ADGRG2: variants seen among roughly 807,000 people sequenced by gnomAD.
ADGRG2 encodes the protein G protein-coupled receptor 64.
In ADGRG2, 26 loss-of-function variants were observed where a neutral mutation model predicts 74.1. The ratio of observed to expected loss-of-function variants is 0.35; its 90% confidence interval spans 0.26 to 0.49. The LOEUF (loss-of-function observed/expected upper bound fraction) is 0.49. ADGRG2 is among the 20% of genes least tolerant of loss of function. The pLI, the probability that ADGRG2 is intolerant of heterozygous loss-of-function variation, is 0.99. For synonymous variants in ADGRG2, 296 were observed against 295.2 expected (o/e 1.00, Z -0.03); for missense variants, 619 against 763.1 (o/e 0.81, Z 2.22).
intron 3 of ADGRG2, among the ~76,000 whole-genome samples, chrX:19,045,947 C>T (rs991078400): frequency 7.9e-4 from 89 of 112,198 alleles, no homozygotes; most frequent in African/African-American, 2.8e-3. Context: ...TGCAGTGGCA[C>T]AATCATAGCT....
Position 19,003,007 on chromosome X carries a change from A to C in ADGRG2, c.2069T>G (p.Met690Arg). 1 of 1,206,490 alleles carries C rather than the reference A, an allele frequency of 8.3e-7. No individual in the cohort carries two copies. The highest frequency in any genetic ancestry group is 1.1e-6 in the Non-Finnish European group (1 of 890,534). The change falls in exon 24 of 29, where the codon ATG becomes AGG. Residue 690 changes from methionine to arginine, a missense_variant. Physicochemically the swap from Met to Arg is moderately conservative, Grantham distance 91. Transcript: ENST00000379869. Reference sequence around the variant, plus strand: ...AGCCACTGAGATGCAGAGGCCTTGCATCTTATACAGAGCAATCCACGAGTC... The same window carrying C: ...AGCCACTGAGATGCAGAGGCCTTGCCTCTTATACAGAGCAATCCACGAGTC... ...LLDSWIALYK[M>R]QGLCISVAVF...
rs770946871 is a variant in ADGRG2, at chrX:19,013,704, C to T, written c.1081G>A (p.Ala361Thr). The stretch of plus-strand genomic sequence containing the variant: ...CATTTACCTGTCTGGACAGGAGGTG[C>T]GCTGGTAGTGTTGACATTCGCAGGG... ...SAPANVNTTSAPPVQTDIVNT... is the reference protein window; with the variant it reads ...SAPANVNTTSTPPVQTDIVNT... Residue 361 changes from alanine (A) to threonine (T), a missense_variant, in exon 16 of 29, where the codon GCA becomes ACA. By Grantham distance (58) the Ala-to-Thr change is moderately conservative (BLOSUM62 0). Around this residue, in one of 3 missense-constraint regions of ADGRG2, gnomAD observed 292 missense variants for 318.0 expected, o/e 0.92. Coordinates refer to ENST00000379869, the MANE Select transcript of ADGRG2 (RefSeq NM_001079858.3). The T allele has an allele frequency of 5.9e-6, 7 of 1,191,916 alleles. No homozygotes were observed. The highest frequency in any genetic ancestry group is 3.0e-5 in the East Asian group (1 of 33,636).
At chrX:19,015,540 G>A (rs758869692) in intron 15 of ADGRG2, among the ~76,000 whole-genome samples, 5 of 112,674 alleles carry the variant, frequency 4.4e-5, no homozygotes, top group Non-Finnish European at 7.5e-5. Flanking sequence ...CCAACATGGC[G>A]AAACCCTGTC....
chrX:19,002,702 G>A, intron 24 of ADGRG2, 144 bp downstream of exon 24: 1 of 535,544 alleles, frequency 1.9e-6, no homozygotes, highest in Non-Finnish European at 3.2e-6. Flanking sequence ...GTTGCTCTTC[G>A]GGCAGTGCAC....
In ADGRG2 at chrX:18,994,937, A is replaced by G; in HGVS notation, c.2828T>C (p.Leu943Pro). 1 of 1,201,704 alleles carries G rather than the reference A, an allele frequency of 8.3e-7. No homozygotes were observed. ...TACTGAGCAATCATTATTCACTAGC[A>G]GTGTGGTGGAGTTAGTGGAGTTACT... is the stretch of plus-strand genomic sequence containing the variant. ...SSSNSTNSTT[L>P]LVNNDCSVHA... Residue 943 changes from leucine (L) to proline (P), a missense_variant, in exon 28 of 29, where the codon CTG becomes CCG. Leu to Pro is a moderately conservative substitution (Grantham distance 98). Around this residue, in one of 3 missense-constraint regions of ADGRG2, gnomAD observed 106 missense variants for 104.5 expected, o/e 1.01. Coordinates refer to ENST00000379869, the MANE Select transcript of ADGRG2 (RefSeq NM_001079858.3).
chrX:19,037,666 T>C (rs756976102), intron 4 of ADGRG2, 30 bp from the exon 5 acceptor site: 184 of 985,537 alleles, frequency 1.9e-4, no homozygotes, highest in Non-Finnish European at 2.4e-4. Context: ...TAAATCAATA[T>C]TTTGAAACGA....
At chrX:19,011,474 G>A in intron 16 of ADGRG2, among the ~76,000 whole-genome samples, 1 of 112,253 alleles carries the variant, frequency 8.9e-6, no homozygotes, top group Non-Finnish European at 1.9e-5. Context: ...ATAAGCACAA[G>A]TATACTTGTA....
chrX:19,087,651 C>T (rs1381222898), intron 1 of ADGRG2, among the ~76,000 whole-genome samples: 1 of 112,079 alleles, frequency 8.9e-6, no homozygotes, highest in African/African-American at 3.2e-5. Flanking sequence ...ACAGAGCTTT[C>T]GGAATTGCTT....
In ADGRG2 at chrX:19,034,604, T is replaced by C. The variant is rs1246505825; in HGVS notation, c.263-950A>G. 3.6e-5 allele frequency: 4 copies of C among 112,321 alleles called. No individual in the cohort carries two copies. The East Asian group carries it at 1.1e-3, about 31-fold the overall frequency. The allele number at this position is 112,321 out of a possible 1,213,427, so 9.3% of individuals were successfully genotyped here. On this transcript the variant is annotated intron_variant, in intron 7 of 28. Transcript: ENST00000379869. ...TGACCCATGAGCCAATGATGGGTGG[T>C]AATTATGAAGGCTGATAGCATTTCA...
intron 3 of ADGRG2, among the ~76,000 whole-genome samples, chrX:19,064,895 T>C (rs2061541648): frequency 9.0e-6 from 1 of 111,401 alleles, no homozygotes; most frequent in African/African-American, 3.3e-5. Flanking sequence ...CAAGGGGTTA[T>C]AGAGTGGGCT....
chrX:19,104,106 G>A (rs1217891859), intron 1 of ADGRG2, among the ~76,000 whole-genome samples: 2 of 110,853 alleles, frequency 1.8e-5, no homozygotes, highest in Non-Finnish European at 3.8e-5. Flanking sequence ...GCAAAGCTTC[G>A]GAAACGGATG....
At chrX:19,094,748 C>T (rs1235037870) in intron 1 of ADGRG2, among the ~76,000 whole-genome samples, 1 of 112,620 alleles carries the variant, frequency 8.9e-6, no homozygotes, top group Middle Eastern at 4.2e-3. Context: ...TGACTCTGCC[C>T]GGTTCCACCG....
At chrX:18,999,362 A>T in intron 25 of ADGRG2, 83 bp from the exon 26 acceptor site, 2 of 838,941 alleles carry the variant, frequency 2.4e-6, no homozygotes, top group Non-Finnish European at 3.4e-6. Context: ...TGAATCTCTA[A>T]CATTTTACTG....
intron 3 of ADGRG2, among the ~76,000 whole-genome samples, chrX:19,053,085 T>A (rs758525307): frequency 8.9e-6 from 1 of 111,868 alleles, no homozygotes; most frequent in East Asian, 2.8e-4. Flanking sequence ...TTTTAGAACT[T>A]CTGCATCTTC....
intron 2 of ADGRG2, among the ~76,000 whole-genome samples, chrX:19,075,433 G>A (rs1602063551): frequency 9.2e-6 from 1 of 108,373 alleles, no homozygotes; most frequent in African/African-American, 3.3e-5. Flanking sequence ...CCTGCCTAAC[G>A]AGGCGGAACC....
At chrX:19,093,001 C>T (rs1175271116) in intron 1 of ADGRG2, among the ~76,000 whole-genome samples, 1 of 112,019 alleles carries the variant, frequency 8.9e-6, no homozygotes, top group Non-Finnish European at 1.9e-5. Flanking sequence ...AAGGCCTTCA[C>T]CTTTATATTA....
At chrX:19,095,397 C>T (rs930326035) in intron 1 of ADGRG2, among the ~76,000 whole-genome samples, 2 of 110,689 alleles carry the variant, frequency 1.8e-5, no homozygotes, top group Non-Finnish European at 3.8e-5. Context: ...TTTAATATAC[C>T]GCAGGGAAGG....
intron 1 of ADGRG2, among the ~76,000 whole-genome samples, chrX:19,112,445 T>C (rs1273392450): frequency 3.6e-5 from 4 of 110,017 alleles, no homozygotes; most frequent in African/African-American, 1.3e-4. Flanking sequence ...AACCAATAAC[T>C]ACACAGTGGA....
At chrX:19,047,316 A>C (rs2061213444) in intron 3 of ADGRG2, among the ~76,000 whole-genome samples, 1 of 111,190 alleles carries the variant, frequency 9.0e-6, no homozygotes, top group Non-Finnish European at 1.9e-5. Context: ...CTCTTTTCCT[A>C]ATGCCTGCTC....
Sources: gnomAD v4.1 joint callset for allele counts (sites outside exome capture counted in the v4.1 genomes callset) on GRCh38, gnomAD v4.1.1 for gene constraint, gnomAD v4.1.1 regional missense constraint, MANE v1.5 for transcripts, NCBI Gene and HGNC (gene_info 2026-07-23, HGNC 2026-07-21) for gene names.